The following SPAG16 variants were observed in gnomAD, a reference collection of about 807,000 sequenced individuals.
The protein encoded by SPAG16 is sperm-associated antigen 16 protein.
In SPAG16, 86 loss-of-function variants were observed where a neutral mutation model predicts 80.4. That is an observed-to-expected ratio of 1.07 (90% CI 0.90 to 1.28). The LOEUF is 1.28. Ranked by LOEUF, SPAG16 falls within the 50% of genes most tolerant of loss-of-function variation. The pLI is 0.00. For synonymous variants in SPAG16, 294 were observed against 265.9 expected, an observed-to-expected ratio of 1.11 and a Z score of -1.03; for missense variants, 870 against 765.3, an observed-to-expected ratio of 1.14 and a Z score of -1.61.
At chr2:214,098,563 G>A (rs1054857344) in intron 13 of SPAG16, among the ~76,000 whole-genome samples, 1 of 152,016 alleles carries the variant, frequency 6.6e-6, no homozygotes, top group African/African-American at 2.4e-5. Flanking sequence ...AGCCAACCCT[G>A]CCTACACTTT....
intron 15 of SPAG16, among the ~76,000 whole-genome samples, chr2:214,369,244 C>T (rs1324930267): frequency 1.3e-5 from 2 of 152,008 alleles, no homozygotes; most frequent in Non-Finnish European, 1.5e-5. Context: ...CAACCTCTCA[C>T]CTTGTATCAA....
At chr2:214,124,126 G>A (rs180707616) in intron 14 of SPAG16, among the ~76,000 whole-genome samples, 1 of 151,996 alleles carries the variant, frequency 6.6e-6, no homozygotes, top group Admixed American at 6.6e-5. Flanking sequence ...AGAGGACATA[G>A]GACCATGTTT....
chr2:213,402,705 CAGAG>C (rs565500853), intron 9 of SPAG16, among the ~76,000 whole-genome samples: 52 of 152,148 alleles, frequency 3.4e-4, no homozygotes, highest in African/African-American at 1.2e-3. Context: ...CGATAGTTTA[CAGAG>C]AATGATGGTT....
intron 15 of SPAG16, among the ~76,000 whole-genome samples, chr2:214,235,403 T>C (rs973543070): frequency 2.6e-5 from 4 of 152,114 alleles, no homozygotes; most frequent in African/African-American, 9.7e-5. Flanking sequence ...TTATACCATA[T>C]TTATTGGTAT....
intron 5 of SPAG16, among the ~76,000 whole-genome samples, chr2:213,330,794 G>A (rs2064064293): frequency 6.6e-6 from 1 of 152,142 alleles, no homozygotes; most frequent in African/African-American, 2.4e-5. Flanking sequence ...GTTGTGGGAG[G>A]GACCCAGTGG....
Position 213,905,685 on chromosome 2 carries a change from G to A in SPAG16, c.1215-24275G>A, listed in dbSNP as rs541755048. Among the ~76,000 whole-genome samples, 12 of 152,252 alleles carry A rather than the reference G, an allele frequency of 7.9e-5. No homozygotes were observed. The East Asian group carries it at 1.4e-3, about 17-fold the overall frequency. On this transcript the variant is annotated intron_variant, in intron 11 of 15. Transcript: ENST00000331683. ...TGGCAGGGAGAGAGACAATAAATAA[G>A]TGCTATATAATTCCTTAGATGGTAG...
At chr2:213,846,888 G>C (rs562003119) in intron 10 of SPAG16, among the ~76,000 whole-genome samples, 1 of 152,272 alleles carries the variant, frequency 6.6e-6, no homozygotes, top group East Asian at 1.9e-4. Context: ...CAAAGGGTCA[G>C]CAGGTCTAGT....
At chr2:213,764,710 C>T (rs1210957846) in intron 10 of SPAG16, among the ~76,000 whole-genome samples, 1 of 151,714 alleles carries the variant, frequency 6.6e-6, no homozygotes, top group South Asian at 2.1e-4. Flanking sequence ...TCCCCAAAAG[C>T]TAATATTAAT....
intron 15 of SPAG16, among the ~76,000 whole-genome samples, chr2:214,331,415 T>G (rs1696904762): frequency 6.6e-6 from 1 of 152,194 alleles, no homozygotes; most frequent in Admixed American, 6.5e-5. Context: ...GCTTAAAGTT[T>G]AATGGAACTC....
chr2:214,079,199 T>A (rs2051238112), intron 13 of SPAG16, among the ~76,000 whole-genome samples: 1 of 152,204 alleles, frequency 6.6e-6, no homozygotes, highest in South Asian at 2.1e-4. Flanking sequence ...GAAAAATCAC[T>A]AACTTTTCTC....
intron 10 of SPAG16, among the ~76,000 whole-genome samples, chr2:213,848,885 A>C (rs894882403): frequency 6.6e-6 from 1 of 152,162 alleles, no homozygotes; most frequent in Admixed American, 6.6e-5. Context: ...GAAATATGAT[A>C]ATAGAAACTT....
At chr2:214,041,736 G>C (rs1412498501) in intron 13 of SPAG16, among the ~76,000 whole-genome samples, 2 of 151,204 alleles carry the variant, frequency 1.3e-5, no homozygotes, top group African/African-American at 2.4e-5. Flanking sequence ...CTTGCATACT[G>C]TATGCATATT....
At chr2:213,539,114 C>G (rs181469121) in intron 10 of SPAG16, among the ~76,000 whole-genome samples, 56 of 152,202 alleles carry the variant, frequency 3.7e-4, no homozygotes, top group Middle Eastern at 3.4e-3. Flanking sequence ...AGGGTTTGAA[C>G]AATGAGTGAT....
At chr2:213,826,314 G>C (rs2125706359) in intron 10 of SPAG16, among the ~76,000 whole-genome samples, 1 of 151,020 alleles carries the variant, frequency 6.6e-6, no homozygotes, top group South Asian at 2.1e-4. Flanking sequence ...CTCTTTTGTA[G>C]TTCTTTAAGA....
chr2:214,287,859 G>C (rs116568556), intron 15 of SPAG16, among the ~76,000 whole-genome samples: 2,684 of 152,260 alleles, frequency 0.018, 50 homozygotes, highest in Middle Eastern at 0.041. Context: ...AATAGGTAAT[G>C]ACCAAGTCAG....
chr2:214,094,209 G>C (rs1304704248), intron 13 of SPAG16, among the ~76,000 whole-genome samples: 2 of 152,088 alleles, frequency 1.3e-5, no homozygotes, highest in African/African-American at 4.8e-5. Flanking sequence ...ACAAATGAGA[G>C]TGTTTTATTT....
chr2:213,765,235 G>A (rs937346452), intron 10 of SPAG16, among the ~76,000 whole-genome samples: 2 of 152,112 alleles, frequency 1.3e-5, no homozygotes, highest in African/African-American at 4.8e-5. Flanking sequence ...TGGGCGTGGT[G>A]GTGCATGTCT....
intron 15 of SPAG16, among the ~76,000 whole-genome samples, chr2:214,190,070 TTC>T (rs1447927207): frequency 6.6e-6 from 1 of 152,104 alleles, no homozygotes; most frequent in Non-Finnish European, 1.5e-5. Flanking sequence ...TCTTTCCTTT[TTC>T]TCTTTTTACC....
intron 10 of SPAG16, 72 bp from the exon 11 acceptor site, chr2:213,862,413 T>C (rs2075508766): frequency 6.4e-7 from 1 of 1,559,690 alleles, no homozygotes; most frequent in East Asian, 2.3e-5. Flanking sequence ...ATCACTGCCA[T>C]TTCATTTATT....
Sources: allele counts gnomAD v4.1 joint callset (sites outside exome capture counted in the v4.1 genomes callset), GRCh38; gene constraint gnomAD v4.1.1; transcripts MANE v1.5; gene names NCBI Gene and HGNC (gene_info 2026-07-23, HGNC 2026-07-21).